Variants in SLCO6A1 observed in about 807,000 individuals in gnomAD.
SLCO6A1 encodes cancer/testis antigen 48.
SLCO6A1 carries 65 observed loss-of-function variants against 72.7 expected under a neutral mutation model. The observed-to-expected ratio is 0.89, with a 90% CI of 0.73 to 1.10. The LOEUF (loss-of-function observed/expected upper bound fraction) is 1.10. Ranked by LOEUF, SLCO6A1 falls within the 50% of genes least tolerant of loss-of-function variation. SLCO6A1 has a pLI of 0.00. For synonymous variants in SLCO6A1, 314 were observed against 298.2 expected, an observed-to-expected ratio of 1.05 and a Z score of -0.55; for missense variants, 874 against 872.6, an observed-to-expected ratio of 1.00 and a Z score of -0.02.
rs1267170041 is a variant in SLCO6A1 at position 102,419,946 on chromosome 5, C to T, written c.1352G>A (p.Cys451Tyr). ...GVIVSTLEMS[C>Y]KALMRFIMVT... Reference sequence around the variant, plus strand: ...CATTATAAATCTCATAAGGGCTTTACAAGACATTTCTAATGTGGAAACAAT... The same window carrying T: ...CATTATAAATCTCATAAGGGCTTTATAAGACATTTCTAATGTGGAAACAAT... The change falls in exon 8 of 14, where the codon TGT (cysteine) becomes TAT (tyrosine). Residue 451 changes from cysteine to tyrosine, a missense_variant. By Grantham distance (194) the Cys-to-Tyr change is radical. Transcript: ENST00000506729. The T allele has an allele frequency of 6.2e-7, 1 of 1,607,676 alleles. No homozygotes were observed. Among genetic ancestry groups the T allele is most frequent in the East Asian group, 2.2e-5 (1 of 44,544 alleles).
chr5:102,432,765 G>A (rs1212810787), intron 7 of SLCO6A1, among the ~76,000 whole-genome samples: 2 of 152,064 alleles, frequency 1.3e-5, no homozygotes, highest in South Asian at 2.1e-4. Context: ...TGATGTTTTT[G>A]TGAAGCACTT....
At chr5:102,452,354 C>T (rs1159425703) in intron 6 of SLCO6A1, among the ~76,000 whole-genome samples, 1 of 152,040 alleles carries the variant, frequency 6.6e-6, no homozygotes, top group Admixed American at 6.5e-5. Context: ...AACCTCCAAA[C>T]TTTATGTTTT....
At chr5:102,447,161 C>T (rs1580443545) in intron 6 of SLCO6A1, among the ~76,000 whole-genome samples, 1 of 152,184 alleles carries the variant, frequency 6.6e-6, no homozygotes, top group East Asian at 1.9e-4. Context: ...TGTGGTGAAT[C>T]ACATTTAGTG....
At chr5:102,487,293 A>T (rs567784974) in intron 1 of SLCO6A1, among the ~76,000 whole-genome samples, 8 of 152,328 alleles carry the variant, frequency 5.3e-5, no homozygotes, top group African/African-American at 1.7e-4. Flanking sequence ...GCCTTTGATA[A>T]ATAGTAAATG....
chr5:102,467,410 T>TA (rs879713631), intron 4 of SLCO6A1, among the ~76,000 whole-genome samples: 16 of 150,254 alleles, frequency 1.1e-4, no homozygotes, highest in Admixed American at 4.7e-4. Context: ...AGAATCTCTT[T>TA]AAAAAAAAAA....
intron 9 of SLCO6A1, among the ~76,000 whole-genome samples, chr5:102,403,641 C>T (rs1747517755): frequency 1.3e-5 from 2 of 151,856 alleles, no homozygotes. Context: ...GTATCAATGG[C>T]CTGTGATAGA....
At chr5:102,409,656 G>A (rs943086674) in intron 9 of SLCO6A1, among the ~76,000 whole-genome samples, 5 of 151,848 alleles carry the variant, frequency 3.3e-5, no homozygotes, top group Admixed American at 6.6e-5. Context: ...CTTTCATATC[G>A]ATTTTATTCT....
At chr5:102,463,440 AC>A (rs2112775449) in intron 4 of SLCO6A1, among the ~76,000 whole-genome samples, 1 of 152,350 alleles carries the variant, frequency 6.6e-6, no homozygotes, top group East Asian at 1.9e-4. Flanking sequence ...AGAACAAAAT[AC>A]GTCATATGAA....
At chr5:102,492,744 G>A (rs552245726) in intron 1 of SLCO6A1, among the ~76,000 whole-genome samples, 4 of 152,132 alleles carry the variant, frequency 2.6e-5, no homozygotes, top group African/African-American at 4.8e-5. Flanking sequence ...ATTATATCCC[G>A]CTCCTGGCTC....
At chr5:102,487,863 C>G (rs1752509693) in intron 1 of SLCO6A1, among the ~76,000 whole-genome samples, 1 of 152,200 alleles carries the variant, frequency 6.6e-6, no homozygotes, top group South Asian at 2.1e-4. Context: ...AGATCTTACT[C>G]TATGTCAAAG....
At chr5:102,391,109 A>C in intron 10 of SLCO6A1, 64 bp from the exon 11 acceptor site, 1 of 1,433,728 alleles carries the variant, frequency 7.0e-7, no homozygotes, top group Non-Finnish European at 9.8e-7. Context: ...AATGTATGCT[A>C]GATTCAAGGC....
intron 12 of SLCO6A1, among the ~76,000 whole-genome samples, chr5:102,374,872 T>A (rs1270576349): frequency 6.6e-6 from 1 of 152,172 alleles, no homozygotes; most frequent in Non-Finnish European, 1.5e-5. Flanking sequence ...GCAGGCAAAT[T>A]ATCTGAAAAT....
At chr5:102,375,641 ATTTATG>A (rs1561408199) in intron 12 of SLCO6A1, among the ~76,000 whole-genome samples, 1 of 152,152 alleles carries the variant, frequency 6.6e-6, no homozygotes, top group African/African-American at 2.4e-5. Flanking sequence ...GGTGAAACAT[ATTTATG>A]TTTATTTATC....
intron 9 of SLCO6A1, among the ~76,000 whole-genome samples, chr5:102,412,252 TAAAATGTATAATAC>T (rs1196033706): frequency 6.6e-6 from 1 of 151,710 alleles, no homozygotes; most frequent in Non-Finnish European, 1.5e-5. Flanking sequence ...CATGCCTCCC[TAAAATGTATAATAC>T]AAAGCTTCAC....
chr5:102,448,799 A>G (rs1217208575), intron 6 of SLCO6A1, among the ~76,000 whole-genome samples: 2 of 152,094 alleles, frequency 1.3e-5, no homozygotes, highest in Non-Finnish European at 2.9e-5. Flanking sequence ...GATAGCATAC[A>G]GTTAGGTCTT....
At chr5:102,453,807 A>C (rs1750560049) in intron 6 of SLCO6A1, among the ~76,000 whole-genome samples, 1 of 152,136 alleles carries the variant, frequency 6.6e-6, no homozygotes, top group African/African-American at 2.4e-5. Context: ...TTTTACTTAA[A>C]TATCTTGAGT....
chr5:102,460,937 T>TATAA (rs1345631043), intron 4 of SLCO6A1, among the ~76,000 whole-genome samples: 26 of 14,226 alleles, frequency 1.8e-3, no homozygotes, highest in Non-Finnish European at 3.0e-3. Context: ...TATATATATA[T>TATAA]ATATATATAT....
chr5:102,429,241 A>T lies in SLCO6A1; in HGVS notation c.1277-9220T>A, dbSNP rs186570269. Among the ~76,000 whole-genome samples the T allele has an allele frequency of 1.4e-4, 22 of 152,270 alleles. No individual in the cohort carries two copies. In the East Asian group the frequency reaches 4.2e-3, roughly 29 times the overall value. On this transcript the variant is annotated intron_variant, in intron 7 of 13. Coordinates refer to ENST00000506729, the MANE Select transcript of SLCO6A1 (RefSeq NM_173488.5). ...GCTTACCTTGGAAATATTTTCTCCCATTCTGTAGATTGTCTAGTTTACTCT... is the reference window on the plus strand; with the variant it reads ...GCTTACCTTGGAAATATTTTCTCCCTTTCTGTAGATTGTCTAGTTTACTCT...
chr5:102,444,608 T>G (rs1243188014), intron 6 of SLCO6A1, among the ~76,000 whole-genome samples: 1 of 152,100 alleles, frequency 6.6e-6, no homozygotes, highest in Non-Finnish European at 1.5e-5. Context: ...AAATTTAAAT[T>G]TTTTTTTGCT....
Sources: allele counts gnomAD v4.1 joint callset (sites outside exome capture counted in the v4.1 genomes callset), GRCh38; gene constraint gnomAD v4.1.1; transcripts MANE v1.5; gene names NCBI Gene and HGNC (gene_info 2026-07-23, HGNC 2026-07-21).